The following TEX11 variants were observed in gnomAD, a reference collection of about 807,000 sequenced individuals.
TEX11 encodes testis-expressed protein 11.
TEX11 carries 7 observed loss-of-function variants against 84.4 expected under a neutral mutation model. The ratio of observed to expected loss-of-function variants is 0.08; its 90% CI spans 0.05 to 0.16. The LOEUF is 0.16. Among genes scored for constraint, TEX11 ranks in the 10% least tolerant of loss-of-function variants. The pLI is 1.00. For synonymous variants in TEX11, 264 were observed against 222.8 expected (o/e 1.18, Z -1.64); for missense variants, 551 against 660.5 (o/e 0.83, Z 1.82).
chrX:70,717,857 A>C (rs2090520913), intron 13 of TEX11, among the ~76,000 whole-genome samples: 1 of 112,342 alleles, frequency 8.9e-6, no homozygotes, highest in Non-Finnish European at 1.9e-5. Flanking sequence ...TCATTAACCG[A>C]ACGATGGTAT....
intron 16 of TEX11, among the ~76,000 whole-genome samples, chrX:70,665,827 A>G (rs1456371972): frequency 8.9e-6 from 1 of 112,054 alleles, no homozygotes; most frequent in African/African-American, 3.2e-5. Flanking sequence ...TGAGCTGGAG[A>G]AAGTTATAGT....
intron 25 of TEX11, among the ~76,000 whole-genome samples, chrX:70,576,916 G>A (rs1352654561): frequency 3.6e-5 from 4 of 111,919 alleles, no homozygotes; most frequent in Non-Finnish European, 5.6e-5. Flanking sequence ...AAGGGAACTC[G>A]TCTGGCCTTA....
intron 13 of TEX11, among the ~76,000 whole-genome samples, chrX:70,698,068 C>T (rs1289887139): frequency 9.0e-6 from 1 of 110,706 alleles, no homozygotes; most frequent in Non-Finnish European, 1.9e-5. Flanking sequence ...AGTATGTACA[C>T]ACTTATGGGG....
At chrX:70,799,269 T>A (rs1215428541) in intron 9 of TEX11, among the ~76,000 whole-genome samples, 7 of 111,838 alleles carry the variant, frequency 6.3e-5, no homozygotes, top group Non-Finnish European at 1.3e-4. Flanking sequence ...GAAAAATGGG[T>A]GCCTTTTACA....
At chrX:70,772,782 C>T (rs2090979021) in intron 9 of TEX11, among the ~76,000 whole-genome samples, 1 of 108,689 alleles carries the variant, frequency 9.2e-6, no homozygotes, top group Admixed American at 1.0e-4. Flanking sequence ...AGAAGAGGTT[C>T]AAAAACAAGA....
At chrX:70,710,381 A>G (rs1003788996) in intron 13 of TEX11, among the ~76,000 whole-genome samples, 1 of 111,702 alleles carries the variant, frequency 9.0e-6, no homozygotes, top group Non-Finnish European at 1.9e-5. Flanking sequence ...GGTTAGGAGT[A>G]AAAGTAACTT....
chrX:70,795,782 C>T (rs1404838027), intron 9 of TEX11, among the ~76,000 whole-genome samples: 1 of 111,675 alleles, frequency 9.0e-6, no homozygotes, highest in Non-Finnish European at 1.9e-5. Flanking sequence ...TGTTACTGGG[C>T]TTGGGGTGCC....
chrX:70,905,452 G>C (rs895196605), intron 2 of TEX11, among the ~76,000 whole-genome samples: 2 of 111,585 alleles, frequency 1.8e-5, no homozygotes, highest in Non-Finnish European at 3.8e-5. Flanking sequence ...ATATCATAGT[G>C]TACTGCATGT....
intron 13 of TEX11, among the ~76,000 whole-genome samples, chrX:70,697,667 C>T (rs1462077368): frequency 8.9e-6 from 1 of 111,871 alleles, no homozygotes; most frequent in African/African-American, 3.2e-5. Flanking sequence ...TACAGCTCAA[C>T]TTGGAATGAA....
In TEX11 at chrX:70,762,192, G is replaced by A. The variant is rs1158240274; in HGVS notation, c.693-17973C>T. On this transcript the variant is annotated intron_variant, in intron 9 of 29. Transcript: ENST00000374333. ...TTCAATCAGAAAGAAAAGGATGTTC[G>A]TGAGCAGTAAGTAATCACTTGAAGA... Among the ~76,000 whole-genome samples, 10 of 111,904 alleles carry A rather than the reference G, an allele frequency of 8.9e-5. No individual in the cohort carries two copies. The Admixed American group carries it at 9.5e-4, about 11-fold the overall frequency.
intron 25 of TEX11, among the ~76,000 whole-genome samples, chrX:70,566,695 C>A (rs1401433470): frequency 9.0e-6 from 1 of 111,348 alleles, no homozygotes; most frequent in Non-Finnish European, 1.9e-5. Flanking sequence ...TGTTTATATG[C>A]TGGATTACAT....
intron 2 of TEX11, 115 bp from the exon 3 acceptor site, chrX:70,880,224 A>T: frequency 4.4e-6 from 2 of 458,397 alleles, no homozygotes; most frequent in Non-Finnish European, 6.5e-6. Flanking sequence ...GCATGAAGGA[A>T]CTTGATCCTT....
intron 8 of TEX11, among the ~76,000 whole-genome samples, chrX:70,818,373 G>T (rs1307605993): frequency 1.8e-5 from 2 of 111,024 alleles, no homozygotes; most frequent in African/African-American, 6.6e-5. Context: ...TAACCACATA[G>T]AAAACAGTAG....
intron 9 of TEX11, among the ~76,000 whole-genome samples, chrX:70,790,068 G>A (rs188460663): frequency 8.9e-6 from 1 of 111,998 alleles, no homozygotes; most frequent in Non-Finnish European, 1.9e-5. Context: ...ATTGTACCTG[G>A]AATCTAAAAC....
At chrX:70,551,858 A>G (rs1053160260) in intron 28 of TEX11, among the ~76,000 whole-genome samples, 1 of 111,876 alleles carries the variant, frequency 8.9e-6, no homozygotes, top group African/African-American at 3.2e-5. Flanking sequence ...TCATCCCACC[A>G]TGATTTGAAA....
intron 8 of TEX11, among the ~76,000 whole-genome samples, chrX:70,828,346 C>T (rs1268462036): frequency 1.8e-5 from 2 of 110,282 alleles, no homozygotes; most frequent in South Asian, 3.8e-4. Flanking sequence ...TGAAATAACA[C>T]AAAGAAGGAA....
chrX:70,810,698 C>T (rs937000513), intron 8 of TEX11, among the ~76,000 whole-genome samples: 11 of 110,039 alleles, frequency 1.0e-4, no homozygotes, highest in Non-Finnish European at 1.5e-4. Context: ...ATGTAGATGA[C>T]GGGTTAATGG....
At chrX:70,797,383 A>G (rs910680747) in intron 9 of TEX11, among the ~76,000 whole-genome samples, 1 of 111,707 alleles carries the variant, frequency 9.0e-6, no homozygotes, top group Non-Finnish European at 1.9e-5. Flanking sequence ...AGGTGACTGA[A>G]TCAGTAATCA....
At chrX:70,571,902 G>A (rs2088604734) in intron 25 of TEX11, among the ~76,000 whole-genome samples, 1 of 111,539 alleles carries the variant, frequency 9.0e-6, no homozygotes, top group African/African-American at 3.3e-5. Context: ...GTGAGGTATA[G>A]TACACAACTT....
Sources: gnomAD v4.1 joint callset for allele counts (sites outside exome capture counted in the v4.1 genomes callset) on GRCh38, gnomAD v4.1.1 for gene constraint, MANE v1.5 for transcripts, NCBI Gene and HGNC (gene_info 2026-07-23, HGNC 2026-07-21) for gene names.